The following PTPRN2 variants were observed in gnomAD, a reference collection of about 807,000 sequenced individuals.
The protein encoded by PTPRN2 is protein tyrosine phosphatase receptor type N2, also known as receptor-type tyrosine-protein phosphatase N2.
Under a neutral mutation model 118.8 loss-of-function variants are expected in PTPRN2, and 74 were observed. The ratio of observed to expected loss-of-function variants is 0.62; its 90% confidence interval spans 0.52 to 0.76. The LOEUF (loss-of-function observed/expected upper bound fraction) is 0.76, where lower values mean the gene tolerates loss of function less well. Among genes scored for constraint, PTPRN2 ranks in the 30% least tolerant of loss-of-function variants. The pLI is 0.00. For missense variants in PTPRN2, 1,481 were observed against 1,394.4 expected, an observed-to-expected ratio of 1.06 and a Z score of -0.99; for synonymous variants, 641 against 608.0, an observed-to-expected ratio of 1.05 and a Z score of -0.80.
At chr7:157,933,627 C>T (rs904551243) in intron 11 of PTPRN2, among the ~76,000 whole-genome samples, 206 of 71,342 alleles carry the variant, frequency 2.9e-3, no homozygotes, top group African/African-American at 4.7e-3. Flanking sequence ...GATGAGTCAC[C>T]CTGATTGACA....
At chr7:158,381,938 G>T (rs753245341) in intron 2 of PTPRN2, among the ~76,000 whole-genome samples, 10 of 152,124 alleles carry the variant, frequency 6.6e-5, no homozygotes, top group African/African-American at 1.2e-4. Context: ...GCACGAGAAA[G>T]ACCCACTCCC....
intron 12 of PTPRN2, among the ~76,000 whole-genome samples, chr7:157,689,559 T>C: frequency 6.6e-6 from 1 of 152,188 alleles, no homozygotes; most frequent in Non-Finnish European, 1.5e-5. Flanking sequence ...ATTTTAACTC[T>C]AACTTGGGGG....
chr7:158,550,194 G>T (rs944937164), intron 1 of PTPRN2, among the ~76,000 whole-genome samples: 5 of 152,228 alleles, frequency 3.3e-5, no homozygotes, highest in African/African-American at 1.2e-4. Context: ...GCCCCAGCGG[G>T]TGCCACTGCC....
chr7:157,860,367 C>A (rs994050373), intron 12 of PTPRN2, among the ~76,000 whole-genome samples: 1 of 152,236 alleles, frequency 6.6e-6, no homozygotes, highest in African/African-American at 2.4e-5. Flanking sequence ...CCACCCACAG[C>A]CTTCGCGCCT....
intron 5 of PTPRN2, among the ~76,000 whole-genome samples, chr7:158,186,788 A>AT (rs1213340463): frequency 6.6e-6 from 1 of 152,186 alleles, no homozygotes. Flanking sequence ...TTTTAATTAT[A>AT]TTTTTTGCTT....
At chr7:158,308,475 A>G (rs1317472107) in intron 3 of PTPRN2, among the ~76,000 whole-genome samples, 1 of 152,218 alleles carries the variant, frequency 6.6e-6, no homozygotes, top group Admixed American at 6.5e-5. Context: ...TGAGTATGTA[A>G]CATTTATTTT....
At position 158,318,500 on chromosome 7, in the gene PTPRN2, C is replaced by T. The variant is rs79971883; in HGVS notation, c.164-1568G>A. ...GGAGTGAGCCACGGGCCAGGAAGAA[C>T]CAAAAGCCAGGTTCCTGGACCCCCA... On this transcript the variant is annotated intron_variant, in intron 2 of 22. Coordinates refer to ENST00000389418, the MANE Select transcript of PTPRN2 (RefSeq NM_002847.5). Among the ~76,000 whole-genome samples the T allele has an allele frequency of 5.2e-4, 79 of 152,260 alleles. No homozygotes were observed. The East Asian group carries it at 0.014, about 27-fold the overall frequency.
intron 11 of PTPRN2, chr7:158,028,003 CT>C (rs1807402354): frequency 1.3e-5 from 2 of 152,228 alleles, no homozygotes; most frequent in Admixed American, 1.3e-4. Flanking sequence ...AAAGTTTGAA[CT>C]TTACATACAT....
intron 21 of PTPRN2, among the ~76,000 whole-genome samples, chr7:157,566,411 A>G (rs1036800681): frequency 2.0e-5 from 3 of 152,238 alleles, no homozygotes; most frequent in Admixed American, 6.5e-5. Flanking sequence ...AGCCTGCACC[A>G]GAACAAAACC....
intron 3 of PTPRN2, among the ~76,000 whole-genome samples, chr7:158,300,549 C>G (rs560078938): frequency 4.1e-4 from 1 of 2,430 alleles, no homozygotes; most frequent in African/African-American, 1.3e-3. Context: ...CCAATCTGCA[C>G]GCCCACAGCG....
At chr7:157,841,861 C>A (rs752886118) in intron 12 of PTPRN2, among the ~76,000 whole-genome samples, 1 of 151,976 alleles carries the variant, frequency 6.6e-6, no homozygotes, top group Admixed American at 6.6e-5. Flanking sequence ...TTCCTTCCTG[C>A]GGGCCTGCAG....
intron 11 of PTPRN2, among the ~76,000 whole-genome samples, chr7:158,077,592 G>T (rs1449814045): frequency 6.6e-6 from 1 of 151,528 alleles, no homozygotes; most frequent in Non-Finnish European, 1.5e-5. Flanking sequence ...GAGTGCCAGA[G>T]ACACACCCTC....
chr7:158,235,709 T>C (rs1585927127), intron 3 of PTPRN2, among the ~76,000 whole-genome samples: 1 of 152,172 alleles, frequency 6.6e-6, no homozygotes, highest in East Asian at 1.9e-4. Flanking sequence ...ATAATGTATG[T>C]ATGTTTCAAA....
chr7:157,810,582 GGGGACA>G (rs1212681782), intron 12 of PTPRN2, among the ~76,000 whole-genome samples: 2 of 130,876 alleles, frequency 1.5e-5, no homozygotes, highest in African/African-American at 6.5e-5. Flanking sequence ...GGCTCTCCAT[GGGGACA>G]GGGACGGGGA....
intron 5 of PTPRN2, among the ~76,000 whole-genome samples, chr7:158,189,330 C>T (rs1254611029): frequency 6.6e-6 from 1 of 152,202 alleles, no homozygotes; most frequent in Non-Finnish European, 1.5e-5. Context: ...AGTGCCAGGG[C>T]TATTTAATAA....
intron 12 of PTPRN2, chr7:157,863,439 A>T (rs1011545291): frequency 6.6e-6 from 1 of 152,244 alleles, no homozygotes; most frequent in African/African-American, 2.4e-5. Flanking sequence ...ATCCTGGCCC[A>T]TGCTACTAGC....
chr7:158,494,316 C>T (rs1821672059), intron 1 of PTPRN2, among the ~76,000 whole-genome samples: 2 of 152,262 alleles, frequency 1.3e-5, no homozygotes. Context: ...TCTCTACCAC[C>T]ACCGTGGAAG....
At chr7:158,312,489 C>T (rs947263426) in intron 3 of PTPRN2, among the ~76,000 whole-genome samples, 14 of 151,284 alleles carry the variant, frequency 9.3e-5, no homozygotes, top group African/African-American at 3.2e-4. Context: ...TGTACACACA[C>T]GTGCTCACGT....
intron 11 of PTPRN2, among the ~76,000 whole-genome samples, chr7:158,073,765 T>C (rs1469193853): frequency 6.6e-6 from 1 of 151,424 alleles, no homozygotes; most frequent in Non-Finnish European, 1.5e-5. Context: ...CATTCGCTTA[T>C]GGACAAAGAG....
Sources: allele counts gnomAD v4.1 joint callset (sites outside exome capture counted in the v4.1 genomes callset), GRCh38; gene constraint gnomAD v4.1.1; transcripts MANE v1.5; gene names NCBI Gene and HGNC (gene_info 2026-07-23, HGNC 2026-07-21).